Variants in ATG5 observed in about 807,000 individuals in gnomAD.
ATG5 encodes autophagy related 5, also known as autophagy protein 5.
ATG5 carries 14 observed loss-of-function variants against 36.5 expected under a neutral mutation model. The observed-to-expected ratio is 0.38, with a 90% CI of 0.25 to 0.60. ATG5 has a LOEUF of 0.60. ATG5 is among the 20% of genes least tolerant of loss of function. The pLI is 0.60. For missense variants in ATG5, 195 were observed against 326.7 expected, an observed-to-expected ratio of 0.60 and a Z score of 3.11; for synonymous variants, 95 against 101.5, an observed-to-expected ratio of 0.94 and a Z score of 0.38.
chr6:106,235,281 T>C (rs1251453986), intron 6 of ATG5, among the ~76,000 whole-genome samples: 1 of 152,148 alleles, frequency 6.6e-6, no homozygotes, highest in Non-Finnish European at 1.5e-5. Flanking sequence ...GAACCCCAGA[T>C]GAAGTCCATG....
At chr6:106,264,026 T>TTA (rs1200954101) in intron 5 of ATG5, among the ~76,000 whole-genome samples, 2 of 152,054 alleles carry the variant, frequency 1.3e-5, no homozygotes, top group Non-Finnish European at 2.9e-5. Context: ...CTTCAGAAGG[T>TTA]GGGTAATAAC....
intron 7 of ATG5, among the ~76,000 whole-genome samples, chr6:106,200,732 G>A (rs1482451483): frequency 6.6e-6 from 1 of 152,102 alleles, no homozygotes; most frequent in African/African-American, 2.4e-5. Context: ...CACCCGCCTT[G>A]GCCTCCCAAA....
At chr6:106,253,197 G>T (rs561358826) in intron 5 of ATG5, among the ~76,000 whole-genome samples, 1 of 152,208 alleles carries the variant, frequency 6.6e-6, no homozygotes, top group Admixed American at 6.5e-5. Flanking sequence ...CAGGTTTTCA[G>T]TAAGTGACCT....
intron 4 of ATG5, among the ~76,000 whole-genome samples, chr6:106,284,234 A>G (rs1003394628): frequency 4.6e-5 from 7 of 152,230 alleles, no homozygotes; most frequent in African/African-American, 1.7e-4. Flanking sequence ...TGGTAAGTAT[A>G]TCATTTGATG....
At chr6:106,201,502 T>C (rs1776429438) in intron 7 of ATG5, among the ~76,000 whole-genome samples, 2 of 152,196 alleles carry the variant, frequency 1.3e-5, no homozygotes, top group South Asian at 4.1e-4. Context: ...TTGAACGAAC[T>C]TGTAGATTGT....
chr6:106,230,972 C>CA (rs1317973933), intron 6 of ATG5, among the ~76,000 whole-genome samples: 3 of 152,214 alleles, frequency 2.0e-5, no homozygotes, highest in East Asian at 3.9e-4. Context: ...AGGAAGCCCT[C>CA]AGAGTCTACC....
intron 2 of ATG5, among the ~76,000 whole-genome samples, chr6:106,313,394 T>C (rs1770724170): frequency 6.6e-6 from 1 of 152,216 alleles, no homozygotes; most frequent in South Asian, 2.1e-4. Flanking sequence ...TAAGGATACA[T>C]AAACGGATCG....
intron 4 of ATG5, among the ~76,000 whole-genome samples, chr6:106,290,208 A>G (rs1780247179): frequency 6.8e-6 from 1 of 146,912 alleles, no homozygotes. Context: ...ATTTTATTTT[A>G]TTTTATTTAT....
chr6:106,286,117 G>T (rs1780067945), intron 4 of ATG5, among the ~76,000 whole-genome samples: 1 of 152,104 alleles, frequency 6.6e-6, no homozygotes. Flanking sequence ...TGCAACCCAG[G>T]CCTCAGCCAA....
At chr6:106,187,674 C>T (rs902663579) in intron 7 of ATG5, among the ~76,000 whole-genome samples, 5 of 152,108 alleles carry the variant, frequency 3.3e-5, no homozygotes, top group Non-Finnish European at 7.4e-5. Context: ...AAATACCCTA[C>T]GTTTTCCTTT....
chr6:106,297,717 A>AAAAC (rs1554223935), intron 3 of ATG5, among the ~76,000 whole-genome samples: 3 of 135,450 alleles, frequency 2.2e-5, no homozygotes, highest in African/African-American at 8.2e-5. Flanking sequence ...AAATGACTTA[A>AAAAC]ACACACACAC....
At chr6:106,223,998 A>C (rs555419927) in intron 6 of ATG5, among the ~76,000 whole-genome samples, 2 of 152,368 alleles carry the variant, frequency 1.3e-5, no homozygotes, top group African/African-American at 4.8e-5. Context: ...GGTAGAAGGA[A>C]ATGTTTCAAA....
intron 6 of ATG5, among the ~76,000 whole-genome samples, chr6:106,225,188 G>A (rs901608807): frequency 2.0e-5 from 3 of 152,236 alleles, no homozygotes; most frequent in Non-Finnish European, 4.4e-5. Context: ...GCCCAGAGAT[G>A]TAAGGTGAAC....
intron 6 of ATG5, among the ~76,000 whole-genome samples, chr6:106,233,655 A>G (rs569218017): frequency 6.2e-4 from 95 of 152,308 alleles, no homozygotes; most frequent in African/African-American, 2.2e-3. Flanking sequence ...TTAAAATAAT[A>G]CAAGGAAGAG....
At chr6:106,273,366 A>G (rs934568719) in intron 5 of ATG5, among the ~76,000 whole-genome samples, 5 of 152,220 alleles carry the variant, frequency 3.3e-5, no homozygotes, top group Non-Finnish European at 7.3e-5. Flanking sequence ...CTACCTAGTA[A>G]GTCCTGCTTA....
At chr6:106,269,569 C>G (rs950342096) in intron 5 of ATG5, among the ~76,000 whole-genome samples, 33 of 152,234 alleles carry the variant, frequency 2.2e-4, no homozygotes, top group Non-Finnish European at 3.1e-4. Context: ...CAGCTAAGGC[C>G]AGGTGAGAAA....
At chr6:106,190,426 G>A (rs751474545) in intron 7 of ATG5, among the ~76,000 whole-genome samples, 2 of 152,146 alleles carry the variant, frequency 1.3e-5, no homozygotes, top group Non-Finnish European at 2.9e-5. Context: ...TCCCAACACT[G>A]CTGCATTGGG....
intron 6 of ATG5, among the ~76,000 whole-genome samples, chr6:106,240,875 G>A (rs1270390564): frequency 6.6e-6 from 1 of 152,222 alleles, no homozygotes; most frequent in African/African-American, 2.4e-5. Flanking sequence ...AAATTAGGCT[G>A]GGTGCGGTGG....
chr6:106,217,973 T>C lies in ATG5; in HGVS notation c.574-15884A>G, dbSNP rs534608041. ...TTAAAATAGTATAAACATTTTAATA[T>C]ATAGCAGGCTTAACTTATGATTATT... is the stretch of plus-strand genomic sequence containing the variant. On this transcript the variant is annotated intron_variant, in intron 6 of 7. Transcript: ENST00000369076. Among the ~76,000 whole-genome samples the C allele has an allele frequency of 7.2e-5, 11 of 152,322 alleles. No homozygotes were observed. In the South Asian group the frequency reaches 2.1e-3, roughly 29 times the overall value.
Sources: allele counts gnomAD v4.1 joint callset (sites outside exome capture counted in the v4.1 genomes callset), GRCh38; gene constraint gnomAD v4.1.1; transcripts MANE v1.5; gene names NCBI Gene and HGNC (gene_info 2026-07-23, HGNC 2026-07-21).